Variants in DAB1 observed in about 807,000 individuals in gnomAD.
The protein encoded by DAB1 is disabled homolog 1.
DAB1 carries 15 observed loss-of-function variants against 64.6 expected under a neutral mutation model. That is an observed-to-expected ratio of 0.23 (90% confidence interval 0.16 to 0.36). DAB1 has a LOEUF of 0.36. Among genes scored for constraint, DAB1 ranks in the 10% least tolerant of loss-of-function variants. The pLI is 1.00. For missense variants in DAB1, 596 were observed against 706.7 expected, an observed-to-expected ratio of 0.84 and a Z score of 1.78; for synonymous variants, 235 against 251.9, an observed-to-expected ratio of 0.93 and a Z score of 0.64.
chr1:57,055,556 CTG>C (rs1004942883), intron 9 of DAB1, among the ~76,000 whole-genome samples: 1 of 152,202 alleles, frequency 6.6e-6, no homozygotes, highest in African/African-American at 2.4e-5. Context: ...CAAAACAAAA[CTG>C]TGCACCCATC....
chr1:57,407,494 A>T (rs1683736581), intron 1 of DAB1, among the ~76,000 whole-genome samples: 1 of 152,102 alleles, frequency 6.6e-6, no homozygotes, highest in African/African-American at 2.4e-5. Context: ...CTGAAGATAA[A>T]GGCTGAAGGA....
At chr1:58,485,228 TAAAAAAAAAA>T (rs71043289) in intron 3 of DAB1, among the ~76,000 whole-genome samples, 193 of 42,070 alleles carry the variant, frequency 4.6e-3, no homozygotes, top group African/African-American at 0.017. Flanking sequence ...AGTCTACTAC[TAAAAAAAAAA>T]AAAAAAAAAA....
Position 57,062,926 on chromosome 1 carries a change from C to G in DAB1, c.681G>C (p.Lys227Asn). 6.2e-7 allele frequency: 1 copy of G among 1,614,142 alleles called. No homozygotes were observed. Among genetic ancestry groups the G allele is most frequent in the Non-Finnish European group, 8.5e-7 (1 of 1,179,980 alleles). ...ENIYQVPTSQ[K>N]KEGVYDVPKS... ...TTGGCACATCATAAACACCTTCCTT[C>G]TTTTGGCTGGTGGGAACCTATGGAA... Residue 227 changes from lysine to asparagine, a missense_variant, in exon 9 of 15, where the codon AAG becomes AAC. Lys to Asn is a moderately conservative substitution (Grantham distance 94, BLOSUM62 0). Coordinates refer to ENST00000371236, the MANE Select transcript of DAB1 (RefSeq NM_001365792.1).
intron 7 of DAB1, among the ~76,000 whole-genome samples, chr1:57,492,838 G>A (rs547597475): frequency 1.3e-5 from 2 of 152,246 alleles, no homozygotes; most frequent in African/African-American, 4.8e-5. Flanking sequence ...CTGTGTTTCT[G>A]CACTTGCAGC....
At chr1:57,954,961 A>G (rs769484519) in intron 5 of DAB1, among the ~76,000 whole-genome samples, 1 of 152,188 alleles carries the variant, frequency 6.6e-6, no homozygotes, top group African/African-American at 2.4e-5. Context: ...AGATAAAGCC[A>G]CTTTCAGCTT....
intron 5 of DAB1, among the ~76,000 whole-genome samples, chr1:58,009,757 T>C (rs1362393179): frequency 6.6e-6 from 1 of 152,122 alleles, no homozygotes; most frequent in Non-Finnish European, 1.5e-5. Context: ...AAACTCAAGG[T>C]TTAGTGAATT....
intron 5 of DAB1, among the ~76,000 whole-genome samples, chr1:58,033,439 A>G (rs1168595966): frequency 4.6e-5 from 7 of 152,180 alleles, no homozygotes; most frequent in Admixed American, 4.6e-4. Context: ...TTTGGAAATA[A>G]ATCTTCTATC....
intron 3 of DAB1, among the ~76,000 whole-genome samples, chr1:58,369,575 G>A (rs748230669): frequency 1.4e-4 from 22 of 152,316 alleles, no homozygotes; most frequent in Non-Finnish European, 2.6e-4. Flanking sequence ...TTTATGTGAA[G>A]ATAACAAATG....
intron 5 of DAB1, among the ~76,000 whole-genome samples, chr1:57,994,685 A>C (rs1271119369): frequency 6.6e-6 from 1 of 152,186 alleles, no homozygotes; most frequent in East Asian, 1.9e-4. Context: ...AGAGGGCTTC[A>C]GGATAGCATC....
intron 4 of DAB1, among the ~76,000 whole-genome samples, chr1:58,238,567 T>C (rs1660152238): frequency 6.6e-6 from 1 of 152,164 alleles, no homozygotes; most frequent in African/African-American, 2.4e-5. Flanking sequence ...TATGCCATGT[T>C]AAGAAGTGTG....
chr1:57,557,192 C>T (rs754061867), intron 7 of DAB1, among the ~76,000 whole-genome samples: 5 of 152,110 alleles, frequency 3.3e-5, no homozygotes, highest in Non-Finnish European at 7.3e-5. Context: ...CAACTGCCAG[C>T]ATGGCTAGAA....
At chr1:57,017,449 C>T (rs1646470910) in intron 11 of DAB1, among the ~76,000 whole-genome samples, 1 of 152,138 alleles carries the variant, frequency 6.6e-6, no homozygotes, top group Non-Finnish European at 1.5e-5. Context: ...AGATCCAATG[C>T]AGGGTGCCTC....
At chr1:57,211,461 G>A (rs1666000551) in intron 2 of DAB1, among the ~76,000 whole-genome samples, 1 of 152,222 alleles carries the variant, frequency 6.6e-6, no homozygotes, top group Admixed American at 6.5e-5. Flanking sequence ...AAGAGTATGG[G>A]GCTGGGAAGT....
intron 14 of DAB1, among the ~76,000 whole-genome samples, chr1:56,998,607 T>C (rs1395867038): frequency 6.6e-6 from 1 of 152,194 alleles, no homozygotes; most frequent in Non-Finnish European, 1.5e-5. Context: ...TCCAACACAG[T>C]TTCATAAATG....
At position 57,234,460 on chromosome 1, in the gene DAB1, T is replaced by C. The variant is rs542319860; in HGVS notation, c.67+56504A>G. On this transcript the variant is annotated intron_variant, in intron 2 of 14. Coordinates refer to ENST00000371236, the MANE Select transcript of DAB1 (RefSeq NM_001365792.1). ...ATACTATTTTTTAGGTGTCAATAAT[T>C]GTATTGAGTGCTTTAGTTTTTTTTG... Among the ~76,000 whole-genome samples the C allele has an allele frequency of 7.1e-4, 108 of 152,318 alleles. 1 individual carries two copies. Among genetic ancestry groups the C allele is most frequent in the African/African-American group, 2.4e-3 (101 of 41,570 alleles).
chr1:57,685,383 C>G (rs554925991), intron 6 of DAB1, among the ~76,000 whole-genome samples: 1 of 152,176 alleles, frequency 6.6e-6, no homozygotes, highest in South Asian at 2.1e-4. Flanking sequence ...TATACATGCA[C>G]TCAACGATTG....
intron 2 of DAB1, among the ~76,000 whole-genome samples, chr1:57,253,383 A>G (rs1401605663): frequency 1.3e-5 from 2 of 152,272 alleles, no homozygotes; most frequent in East Asian, 1.9e-4. Context: ...ATATATTTTT[A>G]TCTCTGTTTG....
chr1:58,268,134 G>A (rs1661218091), intron 4 of DAB1, among the ~76,000 whole-genome samples: 1 of 152,058 alleles, frequency 6.6e-6, no homozygotes, highest in Non-Finnish European at 1.5e-5. Context: ...CTAAACTTAA[G>A]TTTCCTCACC....
Position 57,023,535 on chromosome 1 carries a change from G to A in DAB1, c.891C>T (p.Pro297=). ...AGCTGGTGGAAGAGGGCTTACCTGA[G>A]GGTACAGCAGCAGTGCCGAAAGGTA... ...SSVPFGTAAV[P]SGYVAMGAVL... is the part of the protein sequence containing the mutation. The change falls in exon 11 of 15, where the codon CCC becomes CCT. Residue 297 remains proline, a synonymous_variant. Transcript: ENST00000371236. 2 of 1,588,790 alleles carry A rather than the reference G, an allele frequency of 1.3e-6. No individual in the cohort carries two copies. Among genetic ancestry groups the A allele is most frequent in the Non-Finnish European group, 1.7e-6 (2 of 1,161,342 alleles).
Sources: allele counts gnomAD v4.1 joint callset (sites outside exome capture counted in the v4.1 genomes callset), GRCh38; gene constraint gnomAD v4.1.1; transcripts MANE v1.5; gene names NCBI Gene and HGNC (gene_info 2026-07-23, HGNC 2026-07-21).